SGCZ: variants seen among roughly 807,000 people sequenced by gnomAD.
The protein encoded by SGCZ is zeta-sarcoglycan.
SGCZ carries 40 observed loss-of-function variants against 41.3 expected under a neutral mutation model. That is an observed-to-expected ratio of 0.97 (90% CI 0.75 to 1.26). SGCZ has a LOEUF of 1.26. Among genes scored for constraint, SGCZ ranks in the 50% most tolerant of loss-of-function variants. The pLI is 0.00. For synonymous variants in SGCZ, 206 were observed against 137.5 expected (o/e 1.50, Z -3.49); for missense variants, 552 against 369.8 (o/e 1.49, Z -4.04).
At chr8:14,676,168 C>T (rs934120261) in intron 1 of SGCZ, among the ~76,000 whole-genome samples, 3 of 152,150 alleles carry the variant, frequency 2.0e-5, no homozygotes, top group Non-Finnish European at 4.4e-5. Flanking sequence ...AATGTTGAAC[C>T]TAGACTACAG....
In SGCZ at chr8:14,090,384, C is replaced by A; in HGVS notation, c.*59G>T. 6.4e-7 allele frequency: 1 copy of A among 1,554,856 alleles called. No homozygotes were observed. The highest frequency in any genetic ancestry group is 8.7e-7 in the Non-Finnish European group (1 of 1,146,962). ...TGATCACAAGGGAAACCGAGCAGAACTGTGAAGCAGACGGACAGGAACAAA... is the reference window on the plus strand; with the variant it reads ...TGATCACAAGGGAAACCGAGCAGAAATGTGAAGCAGACGGACAGGAACAAA... On this transcript the variant is annotated 3_prime_UTR_variant, in exon 8 of 8. Transcript: ENST00000382080.
chr8:15,016,168 T>C (rs186043451), intron 1 of SGCZ, among the ~76,000 whole-genome samples: 403 of 152,290 alleles, frequency 2.6e-3, no homozygotes, highest in African/African-American at 9.2e-3. Context: ...ATTTCTGGAA[T>C]TCCTCTGGAA....
chr8:14,094,206 A>T (rs191008617), intron 7 of SGCZ, among the ~76,000 whole-genome samples: 1 of 152,134 alleles, frequency 6.6e-6, no homozygotes, highest in Non-Finnish European at 1.5e-5. Context: ...GGTTTGTTAC[A>T]TAGGTATTCA....
chr8:14,512,625 AT>A (rs60292106), intron 2 of SGCZ, among the ~76,000 whole-genome samples: 146,923 of 150,332 alleles, frequency 0.98, 71,852 homozygotes, highest in East Asian at 1. Context: ...ACACCTGGCT[AT>A]TTTTTTTTTT....
At chr8:14,955,216 C>T (rs541898160) in intron 1 of SGCZ, among the ~76,000 whole-genome samples, 2 of 152,202 alleles carry the variant, frequency 1.3e-5, no homozygotes, top group Admixed American at 6.5e-5. Context: ...TTTCTATATG[C>T]TTGTCACTTG....
intron 2 of SGCZ, among the ~76,000 whole-genome samples, chr8:14,465,147 A>G (rs1801013782): frequency 6.6e-6 from 1 of 151,500 alleles, no homozygotes; most frequent in South Asian, 2.1e-4. Context: ...GTTTCTCCCT[A>G]TTATTGAAAG....
chr8:14,499,445 T>C (rs76338384), intron 2 of SGCZ, among the ~76,000 whole-genome samples: 3,315 of 152,146 alleles, frequency 0.022, 129 homozygotes, highest in African/African-American at 0.075. Context: ...ATTATTTTAT[T>C]TTGTAGATTA....
intron 1 of SGCZ, among the ~76,000 whole-genome samples, chr8:14,630,100 T>C (rs1489477483): frequency 1.3e-5 from 2 of 152,170 alleles, no homozygotes; most frequent in Non-Finnish European, 2.9e-5. Context: ...TTAAGCATTG[T>C]TAGTTTCTTG....
chr8:14,752,905 T>C (rs1159511885), intron 1 of SGCZ, among the ~76,000 whole-genome samples: 2 of 152,186 alleles, frequency 1.3e-5, no homozygotes, highest in Admixed American at 1.3e-4. Context: ...AGATAAATGA[T>C]AGTCTGAGTC....
chr8:14,482,528 G>C (rs1801562719), intron 2 of SGCZ, among the ~76,000 whole-genome samples: 1 of 152,128 alleles, frequency 6.6e-6, no homozygotes, highest in Admixed American at 6.5e-5. Context: ...CTTTGGAAGA[G>C]TCTTTTCTTG....
At chr8:15,028,479 T>G (rs1055877127) in intron 1 of SGCZ, among the ~76,000 whole-genome samples, 3 of 147,780 alleles carry the variant, frequency 2.0e-5, no homozygotes, top group African/African-American at 7.6e-5. Context: ...TCGTCTAAGT[T>G]GAAGTCAGTT....
chr8:14,168,656 T>C (rs1357803564), intron 4 of SGCZ, among the ~76,000 whole-genome samples: 1 of 152,200 alleles, frequency 6.6e-6, no homozygotes, highest in Non-Finnish European at 1.5e-5. Flanking sequence ...TTTTTCTTTA[T>C]AAATTAGGCA....
At chr8:14,645,491 T>TATAA (rs1807183193) in intron 1 of SGCZ, among the ~76,000 whole-genome samples, 1 of 146,100 alleles carries the variant, frequency 6.8e-6, no homozygotes, top group Admixed American at 6.9e-5. Flanking sequence ...TATGTATATA[T>TATAA]ATATATATAT....
At chr8:14,201,049 G>A (rs1805438779) in intron 4 of SGCZ, among the ~76,000 whole-genome samples, 1 of 152,116 alleles carries the variant, frequency 6.6e-6, no homozygotes, top group African/African-American at 2.4e-5. Flanking sequence ...GCTCAATATA[G>A]CTAGTAATTA....
chr8:15,194,569 C>T (rs79958707), intron 1 of SGCZ, among the ~76,000 whole-genome samples: 4,363 of 152,118 alleles, frequency 0.029, 210 homozygotes, highest in African/African-American at 0.1. Flanking sequence ...CCAATGGAAT[C>T]ACGAGGGTTC....
At chr8:14,682,659 C>T (rs916705839) in intron 1 of SGCZ, among the ~76,000 whole-genome samples, 1 of 152,180 alleles carries the variant, frequency 6.6e-6, no homozygotes, top group Non-Finnish European at 1.5e-5. Context: ...TGGTCTCGAT[C>T]TCCTGACCTT....
intron 1 of SGCZ, among the ~76,000 whole-genome samples, chr8:15,193,199 T>C (rs1054762043): frequency 6.6e-6 from 1 of 152,064 alleles, no homozygotes; most frequent in Non-Finnish European, 1.5e-5. Flanking sequence ...AATTTTTCAA[T>C]GTGACGATGA....
chr8:14,441,555 T>G (rs1392413935), intron 2 of SGCZ, among the ~76,000 whole-genome samples: 1 of 152,158 alleles, frequency 6.6e-6, no homozygotes, highest in Non-Finnish European at 1.5e-5. Flanking sequence ...AGCCTGGTGA[T>G]AGAGCAAGAC....
In SGCZ at chr8:14,095,178, T is replaced by A. The variant is rs1472889397; in HGVS notation, c.745-4541A>T. On this transcript the variant is annotated intron_variant, in intron 7 of 7. Coordinates refer to ENST00000382080, the MANE Select transcript of SGCZ (RefSeq NM_139167.4). ...GCTTCTGTTGCCATTGCTTTTGGTG[T>A]TTTAATCGTGAAGTCTTTGCCCGTG... Among the ~76,000 whole-genome samples the A allele has an allele frequency of 2.6e-5, 4 of 152,174 alleles. No homozygotes were observed. The East Asian group carries it at 7.7e-4, about 29-fold the overall frequency.
Sources: gnomAD v4.1 joint callset for allele counts (sites outside exome capture counted in the v4.1 genomes callset) on GRCh38, gnomAD v4.1.1 for gene constraint, MANE v1.5 for transcripts, NCBI Gene and HGNC (gene_info 2026-07-23, HGNC 2026-07-21) for gene names.